Variants in PARD6G observed in about 807,000 individuals in gnomAD.
The protein encoded by PARD6G is partitioning defective 6 homolog gamma.
PARD6G carries 7 observed loss-of-function variants against 10.7 expected under a neutral mutation model. The ratio of observed to expected loss-of-function variants is 0.66; its 90% CI spans 0.37 to 1.23. The LOEUF (loss-of-function observed/expected upper bound fraction) is 1.23, where lower values mean the gene tolerates loss of function less well. PARD6G is among the 50% of genes most tolerant of loss of function. The pLI is 0.02. For synonymous variants in PARD6G, 287 were observed against 269.4 expected (o/e 1.07, Z -0.64); for missense variants, 548 against 571.8 (o/e 0.96, Z 0.42).
At chr18:80,208,096 T>C (rs1967071487) in intron 1 of PARD6G, among the ~76,000 whole-genome samples, 1 of 152,162 alleles carries the variant, frequency 6.6e-6, no homozygotes, top group Non-Finnish European at 1.5e-5. Context: ...CTGTATCAAA[T>C]CACTGCAGCA....
chr18:80,236,649 C>T (rs1272028671), intron 1 of PARD6G, among the ~76,000 whole-genome samples: 3 of 152,202 alleles, frequency 2.0e-5, no homozygotes, highest in Admixed American at 1.3e-4. Context: ...GCAACTTCAG[C>T]AAAGTCTCAG....
At chr18:80,219,225 TTTGA>T (rs1967204296) in intron 1 of PARD6G, among the ~76,000 whole-genome samples, 1 of 152,186 alleles carries the variant, frequency 6.6e-6, no homozygotes, top group African/African-American at 2.4e-5. Context: ...TGTTTGTTTG[TTTGA>T]GATGAAGTCT....
intron 1 of PARD6G, among the ~76,000 whole-genome samples, chr18:80,217,560 T>C (rs529981303): frequency 3.2e-4 from 48 of 152,324 alleles, no homozygotes; most frequent in Admixed American, 1.8e-3. Flanking sequence ...GATACCACTT[T>C]ACCACTGTCT....
intron 1 of PARD6G, among the ~76,000 whole-genome samples, chr18:80,234,564 G>C (rs1967397802): frequency 6.6e-6 from 1 of 152,066 alleles, no homozygotes; most frequent in Non-Finnish European, 1.5e-5. Context: ...CTGAGTCATA[G>C]GTAAGATCAA....
At chr18:80,224,771 T>C (rs572835234) in intron 1 of PARD6G, among the ~76,000 whole-genome samples, 54 of 151,798 alleles carry the variant, frequency 3.6e-4, no homozygotes, top group East Asian at 2.7e-3. Flanking sequence ...GGCGTGAACC[T>C]GGGAGGCGGA....
chr18:80,211,060 C>T (rs1404931521), intron 1 of PARD6G, among the ~76,000 whole-genome samples: 2 of 151,996 alleles, frequency 1.3e-5, no homozygotes, highest in South Asian at 4.1e-4. Context: ...TGAAAGGGAC[C>T]CAGTAGCATT....
At chr18:80,203,011 G>T in intron 1 of PARD6G, 79 bp from the exon 2 acceptor site, 2 of 941,604 alleles carry the variant, frequency 2.1e-6, no homozygotes, top group Non-Finnish European at 3.4e-6. Context: ...TGTGGTTAGT[G>T]TACTTAACAA....
chr18:80,185,052 T>C (rs907551975), intron 2 of PARD6G: 2 of 152,198 alleles, frequency 1.3e-5, no homozygotes, highest in Non-Finnish European at 1.5e-5. Flanking sequence ...AAGAGAGAGA[T>C]TTGTGAGAGA....
At chr18:80,163,867 A>G (rs2145243013) in intron 2 of PARD6G, among the ~76,000 whole-genome samples, 1 of 152,340 alleles carries the variant, frequency 6.6e-6, no homozygotes, top group South Asian at 2.1e-4. Context: ...GTTACATACA[A>G]AACAACAAAT....
intron 2 of PARD6G, among the ~76,000 whole-genome samples, chr18:80,196,890 T>TAAAAA (rs572719232): frequency 1.1e-5 from 1 of 88,014 alleles, no homozygotes; most frequent in Non-Finnish European, 2.1e-5. Flanking sequence ...TTTCTTTTAT[T>TAAAAA]AAAAAAAAAA....
chr18:80,213,953 A>AC (rs1164528435), intron 1 of PARD6G, among the ~76,000 whole-genome samples: 3 of 151,450 alleles, frequency 2.0e-5, no homozygotes, highest in Non-Finnish European at 4.4e-5. Context: ...TCTCAAAAAA[A>AC]AAAAAAAAAA....
rs2052673678 is a variant in PARD6G, at chr18:80,158,854, G to T, written c.*917C>A. 2.6e-5 allele frequency: 4 copies of T among 151,958 alleles called. No individual in the cohort carries two copies. The allele number at this position is 151,958 out of a possible 1,614,324, so 9.4% of individuals were successfully genotyped here. A position where few individuals can be genotyped will look rare whatever the true frequency, so the allele number is the denominator to read the frequency against. ...TATGTCTCAAAACAAACAAAAAAAA[G>T]CCCCGGAACAATTCCACAGCTGCGG... is the stretch of plus-strand genomic sequence containing the variant. On this transcript the variant is annotated 3_prime_UTR_variant, in exon 3 of 3. Transcript: ENST00000353265.
At chr18:80,241,919 C>T (rs753125721) in intron 1 of PARD6G, among the ~76,000 whole-genome samples, 7 of 152,200 alleles carry the variant, frequency 4.6e-5, no homozygotes, top group East Asian at 3.8e-4. Context: ...TAATTCTGGA[C>T]GTGATTCACA....
rs998671999 is a variant in PARD6G at position 80,181,103 on chromosome 18, G to A, written c.296-20497C>T. Among the ~76,000 whole-genome samples, 6 of 152,172 alleles carry A rather than the reference G, an allele frequency of 3.9e-5. No individual in the cohort carries two copies. Among genetic ancestry groups the A allele is most frequent in the South Asian group, 2.1e-4 (1 of 4,832 alleles). ...CGACATTAGAACATGGGCTGCGACC[G>A]GAGAAGCAGCCTGCGGGGGTGGGCC... On this transcript the variant is annotated intron_variant, in intron 2 of 2. Coordinates refer to ENST00000353265, the MANE Select transcript of PARD6G (RefSeq NM_032510.4). This position sits in a 1 kb window ranked among gnomAD's most constrained non-coding sequence, Gnocchi z 7.9.
intron 2 of PARD6G, among the ~76,000 whole-genome samples, chr18:80,194,824 C>G (rs1238009457): frequency 6.6e-6 from 1 of 152,122 alleles, no homozygotes; most frequent in African/African-American, 2.4e-5. Flanking sequence ...AACAGAGAAA[C>G]CTGCGTGTGA....
Position 80,246,872 on chromosome 18 carries a change from C to T in PARD6G, c.72+405G>A, listed in dbSNP as rs1171816757. Among the ~76,000 whole-genome samples the T allele has an allele frequency of 2.0e-5, 3 of 152,184 alleles. No homozygotes were observed. The East Asian group carries it at 5.8e-4, about 30-fold the overall frequency. On this transcript the variant is annotated intron_variant, in intron 1 of 2. Transcript: ENST00000353265. The surrounding 1 kb of genome is among the most constrained non-coding windows in gnomAD (Gnocchi z 6.7). ...CCTTGGCCAGGGCCATCCCACGGCC[C>T]GGGCCCCCAGAGCCCCCCCACGGCC...
At chr18:80,202,993 A>C in intron 1 of PARD6G, 61 bp from the exon 2 acceptor site, 1 of 1,071,882 alleles carries the variant, frequency 9.3e-7, no homozygotes, top group Non-Finnish European at 1.4e-6. Context: ...AAATATCCAG[A>C]AATAAGGTGT....
intron 1 of PARD6G, among the ~76,000 whole-genome samples, chr18:80,227,725 G>A (rs953258472): frequency 1.3e-5 from 2 of 152,168 alleles, no homozygotes; most frequent in African/African-American, 4.8e-5. Flanking sequence ...ATTCTCCTGA[G>A]AGTCTGAGGA....
chr18:80,176,712 C>T (rs2052809682), intron 2 of PARD6G, among the ~76,000 whole-genome samples: 1 of 152,190 alleles, frequency 6.6e-6, no homozygotes, highest in Non-Finnish European at 1.5e-5. Flanking sequence ...TCATTGCCTG[C>T]TGTGGAGAAG....
Sources: allele counts gnomAD v4.1 joint callset (sites outside exome capture counted in the v4.1 genomes callset), GRCh38; gene constraint gnomAD v4.1.1; non-coding constraint Gnocchi (gnomAD v3.1); transcripts MANE v1.5; gene names NCBI Gene and HGNC (gene_info 2026-07-23, HGNC 2026-07-21).